The following PCDHGA2 variants were observed in gnomAD, a reference collection of about 807,000 sequenced individuals.
PCDHGA2 encodes the protein protocadherin gamma-A2.
Under a neutral mutation model 59.2 loss-of-function variants are expected in PCDHGA2, and 40 were observed. That is an observed-to-expected ratio of 0.68 (90% CI 0.52 to 0.88). PCDHGA2 has a LOEUF of 0.88. PCDHGA2 is among the 40% of genes least tolerant of loss of function. PCDHGA2 has a pLI of 0.00. For missense variants in PCDHGA2, 1,226 were observed against 1,204.0 expected (o/e 1.02, Z -0.27); for synonymous variants, 560 against 526.0 (o/e 1.06, Z -0.89).
Position 141,392,253 on chromosome 5 carries a change from T to C in PCDHGA2, c.2424+50858T>C, listed in dbSNP as rs1051019631. ...GTTCTTAGTTATTTGTTAGTATATATTGGAGACATTTACAATAAAGCTTAG... is the reference window on the plus strand; with the variant it reads ...GTTCTTAGTTATTTGTTAGTATATACTGGAGACATTTACAATAAAGCTTAG... On this transcript the variant is annotated intron_variant, in intron 1 of 3. Transcript: ENST00000394576. 3.9e-5 allele frequency: 6 copies of C among 152,218 alleles called. No individual in the cohort carries two copies. The South Asian group carries it at 6.2e-4, about 16-fold the overall frequency. The allele number at this position is 152,218 out of a possible 1,614,324, so 9.4% of individuals were successfully genotyped here. A position where few individuals can be genotyped will look rare whatever the true frequency, so the allele number is the denominator to read the frequency against.
chr5:141,378,596 C>T (rs866872764), intron 1 of PCDHGA2: 2 of 152,150 alleles, frequency 1.3e-5, no homozygotes, highest in Non-Finnish European at 2.9e-5. Context: ...TGTCTGCTTA[C>T]AGGACATATC....
chr5:141,360,636 A>T (rs550512719), intron 1 of PCDHGA2: 2 of 1,614,030 alleles, frequency 1.2e-6, no homozygotes, highest in East Asian at 4.5e-5. Flanking sequence ...CTAACTCACT[A>T]CAAAGATACC....
chr5:141,458,409 G>C (rs188300064), intron 1 of PCDHGA2, among the ~76,000 whole-genome samples: 1 of 152,244 alleles, frequency 6.6e-6, no homozygotes, highest in African/African-American at 2.4e-5. Context: ...GAGACGGAGC[G>C]GGGGTTCCAA....
chr5:141,389,166 C>G (rs1340986620), intron 1 of PCDHGA2: 1 of 1,613,988 alleles, frequency 6.2e-7, no homozygotes, highest in Non-Finnish European at 8.5e-7. Context: ...TCGGGGCAAG[C>G]CTCCCCTCTC....
chr5:141,361,237 T>C (rs1419156322), intron 1 of PCDHGA2: 4 of 1,613,848 alleles, frequency 2.5e-6, no homozygotes, highest in Non-Finnish European at 3.4e-6. Context: ...AGTGATCGCC[T>C]TGATAAAAAC....
intron 1 of PCDHGA2, chr5:141,421,219 G>T (rs894586889): frequency 1.0e-5 from 16 of 1,573,208 alleles, no homozygotes; most frequent in Non-Finnish European, 1.3e-5. Context: ...TATCGGCTTA[G>T]AGCCTGCCAT....
chr5:141,360,369 C>G, intron 1 of PCDHGA2: 1 of 1,613,842 alleles, frequency 6.2e-7, no homozygotes, highest in Non-Finnish European at 8.5e-7. Context: ...TCACAGTAAA[C>G]CCAGAAAGCG....
chr5:141,467,371 A>G, intron 1 of PCDHGA2, among the ~76,000 whole-genome samples: 1 of 151,906 alleles, frequency 6.6e-6, no homozygotes, highest in Non-Finnish European at 1.5e-5. Context: ...GTTTTCTTAT[A>G]TTGCATTTAG....
At chr5:141,457,677 T>C (rs1386991642) in intron 1 of PCDHGA2, among the ~76,000 whole-genome samples, 1 of 152,262 alleles carries the variant, frequency 6.6e-6, no homozygotes, top group Non-Finnish European at 1.5e-5. Flanking sequence ...TATTTCTACA[T>C]AGGACTTTTG....
intron 1 of PCDHGA2, chr5:141,351,548 T>A (rs1218357607): frequency 6.2e-7 from 1 of 1,613,836 alleles, no homozygotes; most frequent in Admixed American, 1.7e-5. Context: ...AGCCCTTTCC[T>A]CCAGGACAAG....
At position 141,339,929 on chromosome 5, in the gene PCDHGA2, G is replaced by C. The variant is rs768979425; in HGVS notation, c.958G>C (p.Glu320Gln). 1.3e-5 allele frequency: 21 copies of C among 1,614,010 alleles called. No homozygotes were observed. The South Asian group carries it at 2.2e-4, about 17-fold the overall frequency. The change falls in exon 1 of 4, where the codon GAA (glutamate) becomes CAA (glutamine). Residue 320 changes from glutamate to glutamine, a missense_variant. By Grantham distance (29) the Glu-to-Gln change is conservative. Transcript: ENST00000394576. ...TGCTACATTCCATGAAATTGATATT[G>C]AAGCTCAGGATGGTCCGGGCCTTCT... ...EDATFHEIDIEAQDGPGLLTR... is the reference protein window; with the variant it reads ...EDATFHEIDIQAQDGPGLLTR...
rs1362099045 is a variant in PCDHGA2, at chr5:141,346,692, T to C, written c.2424+5297T>C. Among the ~76,000 whole-genome samples the C allele has an allele frequency of 5.8e-4, 89 of 152,326 alleles. 1 individual carries two copies. The highest frequency in any genetic ancestry group is 1.9e-4 in the Non-Finnish European group (13 of 68,032). On this transcript the variant is annotated intron_variant, in intron 1 of 3. Coordinates refer to ENST00000394576, the MANE Select transcript of PCDHGA2 (RefSeq NM_018915.4). ...ATCGTGAGTGAAAGTAAAGTGTCAC[T>C]TCCTAGAGGAATCTGCCACTGTGAG...
Position 141,489,842 on chromosome 5 carries a change from A to T in PCDHGA2, c.2425-4965A>T. ...GAGCTGGTGCTAGAGCAGCAGCTGGATCGTGAAGCCCAGGCAAGACATCAG... is the reference window on the plus strand; with the variant it reads ...GAGCTGGTGCTAGAGCAGCAGCTGGTTCGTGAAGCCCAGGCAAGACATCAG... On this transcript the variant is annotated intron_variant, in intron 1 of 3. Coordinates refer to ENST00000394576, the MANE Select transcript of PCDHGA2 (RefSeq NM_018915.4). The surrounding 1 kb of genome is among the most constrained non-coding windows in gnomAD (Gnocchi z 4.5). 6.2e-7 allele frequency: 1 copy of T among 1,614,186 alleles called. No homozygotes were observed. Among genetic ancestry groups the T allele is most frequent in the South Asian group, 1.1e-5 (1 of 91,086 alleles).
chr5:141,404,586 A>G, intron 1 of PCDHGA2: 1 of 1,614,008 alleles, frequency 6.2e-7, no homozygotes, highest in Non-Finnish European at 8.5e-7. Context: ...CTTAGCAGCA[A>G]TGTGTCATTG....
At chr5:141,452,839 C>A (rs939513310) in intron 1 of PCDHGA2, among the ~76,000 whole-genome samples, 2 of 152,092 alleles carry the variant, frequency 1.3e-5, no homozygotes, top group Non-Finnish European at 2.9e-5. Flanking sequence ...TTGGTCCAGC[C>A]CACACTCTGG....
At chr5:141,383,492 G>A (rs1012277194) in intron 1 of PCDHGA2, 4 of 1,613,060 alleles carry the variant, frequency 2.5e-6, no homozygotes, top group African/African-American at 2.7e-5. Context: ...GTGCTGGAGC[G>A]GGTGCTGGAC....
chr5:141,340,043 GA>G lies in PCDHGA2; in HGVS notation c.1074del (p.Asp359ThrfsTer7). 6.2e-7 allele frequency: 1 copy of G among 1,614,138 alleles called. No homozygotes were observed. The highest frequency in any genetic ancestry group is 8.5e-7 in the Non-Finnish European group (1 of 1,180,028). On this transcript the variant is annotated frameshift_variant, in exon 1 of 4. Coordinates refer to ENST00000394576, the MANE Select transcript of PCDHGA2 (RefSeq NM_018915.4). LOFTEE classifies it high-confidence loss of function. ...YMTSATSSVS[E>X]DSLPGTIIGL... is the part of the protein sequence containing the mutation. The stretch of plus-strand genomic sequence containing the variant: ...GACATCTGCTACTAGCTCAGTTTCT[GA>G]AGACTCTCTTCCAGGAACCATAATT...
chr5:141,353,701 C>A (rs889492986), intron 1 of PCDHGA2, among the ~76,000 whole-genome samples: 1 of 152,142 alleles, frequency 6.6e-6, no homozygotes, highest in African/African-American at 2.4e-5. Context: ...TTCCATACTT[C>A]TTGTTTCTTT....
chr5:141,340,098 C>T lies in PCDHGA2; in HGVS notation c.1127C>T (p.Ser376Phe). 1 of 1,614,044 alleles carries T rather than the reference C, an allele frequency of 6.2e-7. No individual in the cohort carries two copies. The highest frequency in any genetic ancestry group is 8.5e-7 in the Non-Finnish European group (1 of 1,179,932). The change falls in exon 1 of 4, where the codon TCT (serine) becomes TTT (phenylalanine). Residue 376 changes from serine (S) to phenylalanine (F), a missense_variant. Ser to Phe is a radical substitution (Grantham distance 155). Coordinates refer to ENST00000394576, the MANE Select transcript of PCDHGA2 (RefSeq NM_018915.4). Reference sequence around the variant, plus strand: ...CTTTTTAATGTACATGATAGAGACTCTGGGCAGAACGCATTCACCACCTGT... The same window carrying T: ...CTTTTTAATGTACATGATAGAGACTTTGGGCAGAACGCATTCACCACCTGT... ...IGLFNVHDRD[S>F]GQNAFTTCSL...
Sources: allele counts gnomAD v4.1 joint callset (sites outside exome capture counted in the v4.1 genomes callset), GRCh38; gene constraint gnomAD v4.1.1; non-coding constraint Gnocchi (gnomAD v3.1); transcripts MANE v1.5; gene names NCBI Gene and HGNC (gene_info 2026-07-23, HGNC 2026-07-21).